The following IQCH variants were observed in gnomAD, a reference collection of about 807,000 sequenced individuals.
IQCH encodes the protein IQ motif containing H, also known as IQ domain-containing protein H.
Under a neutral mutation model 117.0 loss-of-function variants are expected in IQCH, and 98 were observed. The observed-to-expected ratio is 0.84, with a 90% CI of 0.71 to 0.99. IQCH has a LOEUF of 0.99. Ranked by LOEUF, IQCH falls within the 50% of genes least tolerant of loss-of-function variation. The pLI is 0.00. For synonymous variants in IQCH, 412 were observed against 448.2 expected (o/e 0.92, Z 1.02); for missense variants, 1,102 against 1,243.8 (o/e 0.89, Z 1.72).
chr15:67,339,820 C>T (rs1017415910), intron 5 of IQCH, among the ~76,000 whole-genome samples: 2 of 152,124 alleles, frequency 1.3e-5, no homozygotes, highest in Non-Finnish European at 2.9e-5. Flanking sequence ...TATAAGCCAC[C>T]TTACATTTGC....
intron 13 of IQCH, among the ~76,000 whole-genome samples, chr15:67,396,156 G>A (rs1188092100): frequency 6.6e-6 from 1 of 152,070 alleles, no homozygotes; most frequent in Non-Finnish European, 1.5e-5. Context: ...ATATCAGCTT[G>A]CCAGTCATTA....
chr15:67,305,197 T>G (rs1967237498), intron 4 of IQCH, among the ~76,000 whole-genome samples: 1 of 152,146 alleles, frequency 6.6e-6, no homozygotes, highest in African/African-American at 2.4e-5. Flanking sequence ...TCAAAAGCTC[T>G]TAAATGTATG....
intron 8 of IQCH, among the ~76,000 whole-genome samples, chr15:67,361,534 A>G (rs373020992): frequency 1.3e-5 from 2 of 152,372 alleles, no homozygotes; most frequent in East Asian, 3.9e-4. Flanking sequence ...TCTAAAATAT[A>G]TTACACTTCT....
chr15:67,258,348 T>C (rs1394289041), intron 1 of IQCH, among the ~76,000 whole-genome samples: 1 of 151,340 alleles, frequency 6.6e-6, no homozygotes, highest in Non-Finnish European at 1.5e-5. Context: ...CTGGACAACC[T>C]GGTGAAACCC....
intron 4 of IQCH, among the ~76,000 whole-genome samples, chr15:67,289,458 G>C (rs948742515): frequency 6.6e-6 from 1 of 152,108 alleles, no homozygotes; most frequent in Non-Finnish European, 1.5e-5. Flanking sequence ...ATTAAAAAGA[G>C]AATGAGAGAG....
At chr15:67,452,423 G>T (rs2082551456) in intron 16 of IQCH, among the ~76,000 whole-genome samples, 1 of 152,150 alleles carries the variant, frequency 6.6e-6, no homozygotes, top group Non-Finnish European at 1.5e-5. Context: ...TGGCCTGGTG[G>T]TGACAGAATC....
intron 3 of IQCH, among the ~76,000 whole-genome samples, chr15:67,270,546 G>A (rs140756780): frequency 6.6e-6 from 1 of 152,284 alleles, no homozygotes; most frequent in African/African-American, 2.4e-5. Context: ...TCTCATGAAT[G>A]GATTGGTGCC....
intron 15 of IQCH, among the ~76,000 whole-genome samples, chr15:67,420,256 A>G (rs2081697855): frequency 6.6e-6 from 1 of 152,224 alleles, no homozygotes; most frequent in South Asian, 2.1e-4. Flanking sequence ...TGCTTTTTAG[A>G]TGAAGTAACA....
chr15:67,372,721 G>A (rs1158370536), intron 9 of IQCH, 59 bp downstream of exon 9: 2 of 1,442,522 alleles, frequency 1.4e-6, no homozygotes, highest in African/African-American at 2.9e-5. Context: ...TCGTGCTTGA[G>A]CGGTTGTAAT....
chr15:67,358,207 C>CTTTTTTTTTTTTTTTTTTTTTTTTTTT (rs71142373), intron 7 of IQCH, among the ~76,000 whole-genome samples: 185 of 10,452 alleles, frequency 0.018, 85 homozygotes, highest in Non-Finnish European at 0.025. Context: ...ACTTTCTTTT[C>CTTTTTTTTTTTTTTTTTTTTTTTTTTT]TTTTTTTTTT....
At chr15:67,298,065 T>C (rs1409872263) in intron 4 of IQCH, among the ~76,000 whole-genome samples, 1 of 152,070 alleles carries the variant, frequency 6.6e-6, no homozygotes, top group Non-Finnish European at 1.5e-5. Flanking sequence ...TCCCAGCACT[T>C]TGGGAGGCCG....
chr15:67,329,821 T>TATAC (rs1555452589), intron 4 of IQCH, among the ~76,000 whole-genome samples: 4 of 148,952 alleles, frequency 2.7e-5, no homozygotes, highest in African/African-American at 9.8e-5. Flanking sequence ...GAGTGAATTA[T>TATAC]ACACACACAC....
At chr15:67,438,493 A>C (rs904096633) in intron 16 of IQCH, among the ~76,000 whole-genome samples, 11 of 152,240 alleles carry the variant, frequency 7.2e-5, no homozygotes, top group South Asian at 2.1e-4. Context: ...AATACAAGTT[A>C]AAAAGCAAAA....
chr15:67,287,774 G>C (rs1229381635), intron 4 of IQCH, among the ~76,000 whole-genome samples: 1 of 151,546 alleles, frequency 6.6e-6, no homozygotes, highest in East Asian at 1.9e-4. Flanking sequence ...CTTTTCTTCT[G>C]CTAATTTTGG....
At chr15:67,324,965 T>G (rs1196371086) in intron 4 of IQCH, among the ~76,000 whole-genome samples, 1 of 152,080 alleles carries the variant, frequency 6.6e-6, no homozygotes, top group African/African-American at 2.4e-5. Context: ...TTTTAACAAA[T>G]TGAGCAAGAT....
Position 67,475,640 on chromosome 15 carries a change from C to A in IQCH, c.2677-56C>A. The A allele has an allele frequency of 1.9e-6, 3 of 1,550,758 alleles. No individual in the cohort carries two copies. The highest frequency in any genetic ancestry group is 2.6e-6 in the Non-Finnish European group (3 of 1,135,030). On this transcript the variant is annotated intron_variant, in intron 17 of 20. Transcript: ENST00000335894. This position sits in a 1 kb window ranked among gnomAD's most constrained non-coding sequence, Gnocchi z 5.7. Reference sequence around the variant, plus strand: ...ATTTTCCTGTTAATCTCAAGTATTCCAAAATTACAAGTTTATTTAAATATC... The same window carrying A: ...ATTTTCCTGTTAATCTCAAGTATTCAAAAATTACAAGTTTATTTAAATATC...
intron 6 of IQCH, among the ~76,000 whole-genome samples, chr15:67,347,389 T>TTA (rs1343158967): frequency 6.6e-6 from 1 of 152,040 alleles, no homozygotes. Context: ...TAAGAGAACA[T>TTA]TATAAACAAC....
chr15:67,301,599 G>A (rs544850898), intron 4 of IQCH, among the ~76,000 whole-genome samples: 25 of 151,476 alleles, frequency 1.7e-4, no homozygotes, highest in Non-Finnish European at 2.5e-4. Flanking sequence ...TAGTAGAGAC[G>A]GGGTTTCACC....
rs569975447 is a variant in IQCH, at chr15:67,494,290, T to A, written c.2894T>A (p.Met965Lys). The stretch of plus-strand genomic sequence containing the variant: ...GGCGAGGATCTCCAGGGGGTCCTCA[T>A]GACCTTTGCTCGCCATCTCTTCATC... ...TIGEDLQGVL[M>K]TFARHLFIIH... The change falls in exon 20 of 21, where the codon ATG becomes AAG. Residue 965 changes from methionine to lysine, a missense_variant. Physicochemically the swap from Met to Lys is moderately conservative, Grantham distance 95 (BLOSUM62 -1). Around this residue, in one of 2 missense-constraint regions of IQCH, gnomAD observed 650 missense variants for 794.3 expected, o/e 0.82. Transcript: ENST00000335894. This position sits in a 1 kb window ranked among gnomAD's most constrained non-coding sequence, Gnocchi z 5.5. 2.5e-6 allele frequency: 4 copies of A among 1,612,908 alleles called. No individual in the cohort carries two copies. Among genetic ancestry groups the A allele is most frequent in the Non-Finnish European group, 3.4e-6 (4 of 1,179,818 alleles).
Sources: allele counts gnomAD v4.1 joint callset (sites outside exome capture counted in the v4.1 genomes callset), GRCh38; gene constraint gnomAD v4.1.1; regional missense constraint gnomAD v4.1.1; non-coding constraint Gnocchi (gnomAD v3.1); transcripts MANE v1.5; gene names NCBI Gene and HGNC (gene_info 2026-07-23, HGNC 2026-07-21).